Variants in WDR37 observed in about 807,000 individuals in gnomAD.
WDR37 encodes WD repeat domain 37.
WDR37 carries 19 observed loss-of-function variants against 62.9 expected under a neutral mutation model. The observed-to-expected ratio is 0.30, with a 90% confidence interval of 0.21 to 0.44. WDR37 has a LOEUF of 0.44. Ranked by LOEUF, WDR37 falls within the 20% of genes least tolerant of loss-of-function variation. The pLI, the probability that WDR37 is intolerant of heterozygous loss-of-function variation, is 1.00. For synonymous variants in WDR37, 250 were observed against 260.9 expected, an observed-to-expected ratio of 0.96 and a Z score of 0.40; for missense variants, 474 against 657.6, an observed-to-expected ratio of 0.72 and a Z score of 3.05.
At chr10:1,085,563 C>T (rs915481367) in intron 6 of WDR37, among the ~76,000 whole-genome samples, 2 of 152,188 alleles carry the variant, frequency 1.3e-5, no homozygotes, top group Non-Finnish European at 2.9e-5. Flanking sequence ...GCTCAAATTA[C>T]AAATGATGCT....
chr10:1,099,689 G>A (rs549469891), intron 9 of WDR37, among the ~76,000 whole-genome samples: 120 of 152,386 alleles, frequency 7.9e-4, no homozygotes, highest in Non-Finnish European at 1.3e-3. Context: ...TGTGCTGATG[G>A]TGGGCGTGGT....
intron 7 of WDR37, among the ~76,000 whole-genome samples, chr10:1,087,284 G>A (rs770647230): frequency 2.0e-5 from 3 of 152,230 alleles, no homozygotes; most frequent in Non-Finnish European, 4.4e-5. Context: ...TGGCTGGGGT[G>A]CCACAGTGTC....
chr10:1,057,092 G>T (rs957160724), intron 1 of WDR37, 124 bp downstream of exon 1: 2 of 154,382 alleles, frequency 1.3e-5, no homozygotes, highest in Admixed American at 6.5e-5. Context: ...GGCGGATGGG[G>T]TGCAGGTGGG....
chr10:1,110,733 G>A (rs1341857119), intron 11 of WDR37, among the ~76,000 whole-genome samples: 1 of 152,236 alleles, frequency 6.6e-6, no homozygotes, highest in Non-Finnish European at 1.5e-5. Context: ...CTGCCACCAT[G>A]TCATTCTGAG....
At chr10:1,086,830 C>G (rs1012416678) in intron 7 of WDR37, among the ~76,000 whole-genome samples, 2 of 152,218 alleles carry the variant, frequency 1.3e-5, no homozygotes, top group Non-Finnish European at 2.9e-5. Context: ...ACGCTGTTCA[C>G]GTAGCTCTTT....
chr10:1,069,389 A>ATATATATATTTTTT, intron 1 of WDR37, among the ~76,000 whole-genome samples: 54 of 95,772 alleles, frequency 5.6e-4, no homozygotes, highest in African/African-American at 2.2e-3. Flanking sequence ...ATATATATAT[A>ATATATATATTTTTT]TTTTTTTTTT....
At chr10:1,106,319 G>A (rs990325542) in intron 11 of WDR37, among the ~76,000 whole-genome samples, 1 of 152,084 alleles carries the variant, frequency 6.6e-6, no homozygotes, top group East Asian at 1.9e-4. Context: ...GCCGCTCCTC[G>A]CTCCTCCATG....
At chr10:1,078,357 ACAAAT>A (rs1218263001) in intron 3 of WDR37, among the ~76,000 whole-genome samples, 2 of 152,246 alleles carry the variant, frequency 1.3e-5, no homozygotes, top group Admixed American at 6.5e-5. Context: ...CTTATTAAAG[ACAAAT>A]CAAAACAATT....
At chr10:1,107,851 C>T (rs778732425) in intron 11 of WDR37, among the ~76,000 whole-genome samples, 9 of 152,162 alleles carry the variant, frequency 5.9e-5, no homozygotes, top group Non-Finnish European at 4.4e-5. Flanking sequence ...CTGAAACACA[C>T]GCCCACTTCC....
chr10:1,117,750 G>A (rs560313953), intron 11 of WDR37, among the ~76,000 whole-genome samples: 5 of 152,360 alleles, frequency 3.3e-5, no homozygotes, highest in South Asian at 2.1e-4. Context: ...GTCAGCTGAC[G>A]TTTGGAAAAG....
intron 9 of WDR37, among the ~76,000 whole-genome samples, chr10:1,102,628 G>T (rs529566432): frequency 6.6e-6 from 1 of 152,264 alleles, no homozygotes; most frequent in Admixed American, 6.5e-5. Context: ...GATCTCTTGA[G>T]AGCTCACCCA....
rs148274647 is a variant in WDR37, at chr10:1,071,225, G to A, written c.-40-891G>A. On this transcript the variant is annotated intron_variant, in intron 1 of 13. Transcript: ENST00000263150. Reference sequence around the variant, plus strand: ...TGTTGGCGTCTGGGAGGTCGTGGGCGTGTCCTGCTTTGCCTTTGACTGCAT... The same window carrying A: ...TGTTGGCGTCTGGGAGGTCGTGGGCATGTCCTGCTTTGCCTTTGACTGCAT... Among the ~76,000 whole-genome samples the A allele has an allele frequency of 5.1e-3, 782 of 152,280 alleles. 6 individuals are homozygous for A. The highest frequency in any genetic ancestry group is 0.017 in the African/African-American group (706 of 41,542).
In WDR37 at chr10:1,124,284, G is replaced by A. The variant is rs148754757; in HGVS notation, c.1170G>A (p.Val390=). The A allele has an allele frequency of 6.8e-5, 110 of 1,614,096 alleles. No homozygotes were observed. Among genetic ancestry groups the A allele is most frequent in the Non-Finnish European group, 8.5e-5 (100 of 1,180,040 alleles). Residue 390 remains valine, a synonymous_variant, in exon 12 of 14, where the codon GTG becomes GTA. Coordinates refer to ENST00000263150, the MANE Select transcript of WDR37 (RefSeq NM_014023.4). Reference sequence around the variant, plus strand: ...TTTCAGGCAGCGATGACCGCACGGTGAAAGTCTGGGACTTGAAAAATATGA... The same window carrying A: ...TTTCAGGCAGCGATGACCGCACGGTAAAAGTCTGGGACTTGAAAAATATGA... ...NVVSGSDDRT[V]KVWDLKNMRS... is the part of the protein sequence containing the mutation.
chr10:1,116,096 C>G (rs1464503891), intron 11 of WDR37, among the ~76,000 whole-genome samples: 1 of 152,170 alleles, frequency 6.6e-6, no homozygotes, highest in African/African-American at 2.4e-5. Flanking sequence ...CAGCATACCC[C>G]TCATTGGAGT....
chr10:1,129,267 A>C lies in WDR37; in HGVS notation c.1408A>C (p.Asn470His), dbSNP rs1835904934. The stretch of plus-strand genomic sequence containing the variant: ...ATGGAGTGAAGACCACCCCGTGTGC[A>C]ATCTGTTCACCTGTGGGTTTGACCG... ...SAWSEDHPVC[N>H]LFTCGFDRQA... Residue 470 changes from asparagine to histidine, a missense_variant, in exon 14 of 14, where the codon AAT becomes CAT. Physicochemically the swap from Asn to His is moderately conservative, Grantham distance 68. Coordinates refer to ENST00000263150, the MANE Select transcript of WDR37 (RefSeq NM_014023.4). The C allele has an allele frequency of 6.2e-7, 1 of 1,614,180 alleles. No individual in the cohort carries two copies. The highest frequency in any genetic ancestry group is 2.2e-5 in the East Asian group (1 of 44,888).
Position 1,056,468 on chromosome 10 carries a change from C to CCGGGTCT in WDR37, c.-539_-533dup, listed in dbSNP as rs1395689471. On this transcript the variant is annotated 5_prime_UTR_variant, in exon 1 of 14. Coordinates refer to ENST00000263150, the MANE Select transcript of WDR37 (RefSeq NM_014023.4). Reference sequence around the variant, plus strand: ...ACCGCGGCCCTGAGCGCAGGCGGCCCCGGGTCTCAGGCCTCAGGCGGACCG... The same window carrying CCGGGTCT: ...ACCGCGGCCCTGAGCGCAGGCGGCCCCGGGTCTCGGGTCTCAGGCCTCAGGCGGACCG... The CCGGGTCT allele has an allele frequency of 3.9e-5, 6 of 152,140 alleles. No homozygotes were observed. Among genetic ancestry groups the CCGGGTCT allele is most frequent in the Admixed American group, 3.9e-4 (6 of 15,280 alleles). The allele number at this position is 152,140 out of a possible 1,614,324, so 9.4% of individuals were successfully genotyped here.
intron 9 of WDR37, among the ~76,000 whole-genome samples, chr10:1,102,608 C>T (rs1834861367): frequency 6.6e-6 from 1 of 152,102 alleles, no homozygotes; most frequent in African/African-American, 2.4e-5. Context: ...GCCCCACATC[C>T]AAGCAGCCAG....
Position 1,084,391 on chromosome 10 carries a change from T to TC in WDR37, c.397-11dup. On this transcript the variant is annotated splice_polypyrimidine_tract_variant and intron_variant, in intron 5 of 13. Transcript: ENST00000263150. ...GTAAATTGTTTCACAAGACTCCCCA[T>TC]CTTGGTTTCAGATTGTCTCCAGCTT... 1 of 1,604,498 alleles carries TC rather than the reference T, an allele frequency of 6.2e-7. No homozygotes were observed. Among genetic ancestry groups the TC allele is most frequent in the South Asian group, 1.1e-5 (1 of 90,914 alleles).
At chr10:1,087,894 G>C (rs943849228) in intron 7 of WDR37, among the ~76,000 whole-genome samples, 14 of 152,168 alleles carry the variant, frequency 9.2e-5, no homozygotes, top group African/African-American at 3.4e-4. Flanking sequence ...CCAATATAAG[G>C]CTGTTTGTTT....
Sources: gnomAD v4.1 joint callset for allele counts (sites outside exome capture counted in the v4.1 genomes callset) on GRCh38, gnomAD v4.1.1 for gene constraint, MANE v1.5 for transcripts, NCBI Gene and HGNC (gene_info 2026-07-23, HGNC 2026-07-21) for gene names.